Variants in NAA25 observed in about 807,000 individuals in gnomAD.
NAA25 encodes N-alpha-acetyltransferase 25, NatB auxiliary subunit.
NAA25 carries 30 observed loss-of-function variants against 132.5 expected under a neutral mutation model. That is an observed-to-expected ratio of 0.23 (90% confidence interval 0.17 to 0.31). NAA25 has a LOEUF of 0.31. Ranked by LOEUF, NAA25 falls within the 10% of genes least tolerant of loss-of-function variation. The pLI, the probability that NAA25 is intolerant of heterozygous loss-of-function variation, is 1.00. For missense variants in NAA25, 771 were observed against 1,150.4 expected (o/e 0.67, Z 4.77); for synonymous variants, 359 against 401.9 (o/e 0.89, Z 1.28).
At chr12:112,054,357 C>G in intron 14 of NAA25, 31 bp downstream of exon 14, 2 of 1,594,598 alleles carry the variant, frequency 1.3e-6, no homozygotes, top group Non-Finnish European at 1.7e-6. Flanking sequence ...GTATAGCTGG[C>G]TGCTCATTAT....
chr12:112,085,892 C>T, intron 4 of NAA25, among the ~76,000 whole-genome samples: 1 of 148,754 alleles, frequency 6.7e-6, no homozygotes, highest in East Asian at 2.0e-4. Flanking sequence ...GTGACATGTG[C>T]CTGTAGTCCC....
At chr12:112,040,647 CAAAT>C (rs1565998825) in intron 20 of NAA25, 69 bp from the exon 21 acceptor site, 3 of 813,328 alleles carry the variant, frequency 3.7e-6, no homozygotes, top group South Asian at 1.5e-5. Context: ...ACACAACACA[CAAAT>C]AAAGAATAAG....
At chr12:112,039,373 A>G in intron 21 of NAA25, 34 bp from the exon 22 acceptor site, 1 of 1,241,112 alleles carries the variant, frequency 8.1e-7, no homozygotes, top group Non-Finnish European at 1.2e-6. Flanking sequence ...ACCAATAAGG[A>G]TTACACTAAA....
chr12:112,061,474 G>T, intron 11 of NAA25, 86 bp from the exon 12 acceptor site: 1 of 938,900 alleles, frequency 1.1e-6, no homozygotes, highest in Non-Finnish European at 1.6e-6. Context: ...GAATGGTCTA[G>T]AAAAAGACAT....
rs751170203 is a variant in NAA25 at position 112,026,912 on chromosome 12, TATA to T, written c.*2616_*2618del. Reference sequence around the variant, plus strand: ...CAGATTGAACATAGTGATTGCAAAATATAATGCAATTTTCAACAATTAAAATTA... The same window carrying T: ...CAGATTGAACATAGTGATTGCAAAATATGCAATTTTCAACAATTAAAATTA... On this transcript the variant is annotated 3_prime_UTR_variant, in exon 24 of 24. Transcript: ENST00000261745. 1.3e-5 allele frequency: 2 copies of T among 152,576 alleles called. No homozygotes were observed. Among genetic ancestry groups the T allele is most frequent in the African/African-American group, 2.4e-5 (1 of 41,456 alleles). The allele number at this position is 152,576 out of a possible 1,614,324, so 9.5% of individuals were successfully genotyped here.
intron 1 of NAA25, chr12:112,097,116 T>C (rs1046954557): frequency 6.6e-6 from 1 of 152,176 alleles, no homozygotes; most frequent in African/African-American, 2.4e-5. Flanking sequence ...GGTTGGACAT[T>C]TGATCCAAGC....
intron 4 of NAA25, 22 bp from the exon 5 acceptor site, chr12:112,081,156 T>C (rs1176207093): frequency 6.3e-7 from 1 of 1,590,196 alleles, no homozygotes. Flanking sequence ...CCATAAATAT[T>C]TTATTTAGAA....
At chr12:112,052,655 A>G (rs1016174720) in intron 15 of NAA25, among the ~76,000 whole-genome samples, 3 of 152,258 alleles carry the variant, frequency 2.0e-5, no homozygotes, top group Non-Finnish European at 4.4e-5. Context: ...GATGGAAGAT[A>G]GATTAGTCAT....
At chr12:112,073,772 A>G (rs1271938914) in intron 9 of NAA25, among the ~76,000 whole-genome samples, 1 of 152,182 alleles carries the variant, frequency 6.6e-6, no homozygotes, top group Non-Finnish European at 1.5e-5. Flanking sequence ...TAAAAAGGAA[A>G]AAAAATTTAT....
intron 1 of NAA25, among the ~76,000 whole-genome samples, chr12:112,108,230 C>G (rs2079393309): frequency 6.6e-6 from 1 of 152,320 alleles, no homozygotes. Context: ...CCCTTCCCCA[C>G]TCCGGACCTC....
chr12:112,050,390 T>TTAA (rs1265432764), intron 15 of NAA25, among the ~76,000 whole-genome samples: 1 of 152,238 alleles, frequency 6.6e-6, no homozygotes, highest in African/African-American at 2.4e-5. Context: ...ATGAGGCTAT[T>TTAA]TAGATCCCGA....
chr12:112,091,484 T>G (rs985473981), intron 2 of NAA25, among the ~76,000 whole-genome samples: 1 of 151,716 alleles, frequency 6.6e-6, no homozygotes, highest in African/African-American at 2.4e-5. Context: ...AGCCCACAAA[T>G]TCAAGACTAG....
chr12:112,078,575 A>G (rs1419677064), intron 6 of NAA25, 59 bp downstream of exon 6: 2 of 1,395,350 alleles, frequency 1.4e-6, no homozygotes, highest in African/African-American at 2.9e-5. Flanking sequence ...GTATTATAAC[A>G]TAATATTGTA....
At position 112,028,455 on chromosome 12, in the gene NAA25, T is replaced by G. The variant is rs1296096774; in HGVS notation, c.*1076A>C. The G allele has an allele frequency of 6.6e-6, 1 of 152,274 alleles. No individual in the cohort carries two copies. Among genetic ancestry groups the G allele is most frequent in the Non-Finnish European group, 1.5e-5 (1 of 68,008 alleles). 9.4% of individuals were successfully genotyped at this position (152,274 alleles called of 1,614,324 possible). Reference sequence around the variant, plus strand: ...AAAGTAAACACCATCCTGTTATAATTCTCTAAGTTTGAAGAAAGTAGTCCA... The same window carrying G: ...AAAGTAAACACCATCCTGTTATAATGCTCTAAGTTTGAAGAAAGTAGTCCA... On this transcript the variant is annotated 3_prime_UTR_variant, in exon 24 of 24. Transcript: ENST00000261745.
intron 21 of NAA25, chr12:112,039,848 T>C (rs2078278355): frequency 6.5e-6 from 1 of 154,630 alleles, no homozygotes; most frequent in African/African-American, 2.4e-5. Flanking sequence ...ATATGTCTTC[T>C]CCTATACTAC....
chr12:112,064,451 G>A (rs2078684779), intron 11 of NAA25, among the ~76,000 whole-genome samples: 1 of 152,060 alleles, frequency 6.6e-6, no homozygotes, highest in South Asian at 2.1e-4. Context: ...GGCTGGTCTC[G>A]AACTCCTGAA....
chr12:112,074,600 T>C (rs1593801408), intron 9 of NAA25, 75 bp downstream of exon 9: 10 of 767,394 alleles, frequency 1.3e-5, no homozygotes, highest in Admixed American at 5.5e-5. Flanking sequence ...GAGAATTCAA[T>C]TGGCTTATAA....
chr12:112,071,818 G>C (rs2078812673), intron 10 of NAA25, 77 bp downstream of exon 10: 1 of 1,168,314 alleles, frequency 8.6e-7, no homozygotes, highest in African/African-American at 1.5e-5. Context: ...TCTGTCCAGT[G>C]TAGATCTCAA....
Position 112,033,458 on chromosome 12 carries a change from T to C in NAA25, c.2650-79A>G. 2.2e-6 allele frequency: 3 copies of C among 1,337,326 alleles called. No homozygotes were observed. In the South Asian group the frequency reaches 5.0e-5, roughly 22 times the overall value. 82.8% of individuals were successfully genotyped at this position (1,337,326 alleles called of 1,614,324 possible). A position where few individuals can be genotyped will look rare whatever the true frequency, so the allele number is the denominator to read the frequency against. Reference sequence around the variant, plus strand: ...CTACATCACAAAAGCTACTGAAAGATGTGAGGGAATTTAAATAGTGGCATT... The same window carrying C: ...CTACATCACAAAAGCTACTGAAAGACGTGAGGGAATTTAAATAGTGGCATT... On this transcript the variant is annotated intron_variant, in intron 22 of 23. Transcript: ENST00000261745.
Sources: allele counts gnomAD v4.1 joint callset (sites outside exome capture counted in the v4.1 genomes callset), GRCh38; gene constraint gnomAD v4.1.1; transcripts MANE v1.5; gene names NCBI Gene and HGNC (gene_info 2026-07-23, HGNC 2026-07-21).